The following ZNF33B variants were observed in gnomAD, a reference collection of about 807,000 sequenced individuals.
ZNF33B encodes zinc finger protein 33B.
A neutral mutation model predicts 45.8 loss-of-function variants in ZNF33B; 29 were observed. The ratio of observed to expected loss-of-function variants is 0.63; its 90% CI spans 0.47 to 0.86. ZNF33B has a LOEUF of 0.86. ZNF33B is among the 40% of genes least tolerant of loss of function. The pLI is 0.00. For missense variants in ZNF33B, 831 were observed against 909.9 expected, an observed-to-expected ratio of 0.91 and a Z score of 1.12; for synonymous variants, 305 against 307.8, an observed-to-expected ratio of 0.99 and a Z score of 0.10.
chr10:42,606,427 T>C (rs1306042055), intron 4 of ZNF33B, among the ~76,000 whole-genome samples: 1 of 152,060 alleles, frequency 6.6e-6, no homozygotes, highest in Non-Finnish European at 1.5e-5. Flanking sequence ...ATCGTGCCAC[T>C]GCACTCCAGC....
chr10:42,608,672 A>G (rs1428509204), intron 4 of ZNF33B, among the ~76,000 whole-genome samples: 1 of 152,190 alleles, frequency 6.6e-6, no homozygotes, highest in Non-Finnish European at 1.5e-5. Context: ...AGCTGTAATA[A>G]CCATATTAAA....
intron 4 of ZNF33B, among the ~76,000 whole-genome samples, chr10:42,630,858 C>T (rs1276348908): frequency 6.6e-6 from 1 of 152,184 alleles, no homozygotes; most frequent in Non-Finnish European, 1.5e-5. Flanking sequence ...CCTTTGGACT[C>T]TAGCTGCCTC....
At chr10:42,596,013 TAA>T (rs1028208968) in intron 4 of ZNF33B, among the ~76,000 whole-genome samples, 1 of 151,804 alleles carries the variant, frequency 6.6e-6, no homozygotes, top group African/African-American at 2.4e-5. Context: ...ACAATAATTT[TAA>T]AAGAGTAAGA....
chr10:42,595,887 G>A (rs1404415400), intron 4 of ZNF33B, among the ~76,000 whole-genome samples: 1 of 152,104 alleles, frequency 6.6e-6, no homozygotes. Flanking sequence ...CCAGTCTGTT[G>A]AATTTTGTTA....
chr10:42,636,662 T>G (rs1445473435), intron 2 of ZNF33B, among the ~76,000 whole-genome samples: 1 of 152,160 alleles, frequency 6.6e-6, no homozygotes, highest in African/African-American at 2.4e-5. Flanking sequence ...TCTATTAAAA[T>G]GCAAAAAATT....
chr10:42,607,183 G>C (rs1480605656), intron 4 of ZNF33B, among the ~76,000 whole-genome samples: 2 of 152,138 alleles, frequency 1.3e-5, no homozygotes, highest in African/African-American at 4.8e-5. Context: ...TTTTACTAGA[G>C]TTAAGGTAGT....
chr10:42,597,110 T>G (rs932727440), intron 4 of ZNF33B, among the ~76,000 whole-genome samples: 3 of 152,108 alleles, frequency 2.0e-5, no homozygotes, highest in Admixed American at 6.5e-5. Context: ...AGAGTTTTAA[T>G]CAGAAATGGA....
intron 1 of ZNF33B, among the ~76,000 whole-genome samples, chr10:42,581,121 G>C (rs1193224777): frequency 1.3e-5 from 2 of 152,076 alleles, no homozygotes; most frequent in Non-Finnish European, 2.9e-5. Context: ...GGCAGGCCAA[G>C]TGAAGACGTA....
At chr10:42,597,070 TAAAG>T (rs1396980817) in intron 4 of ZNF33B, among the ~76,000 whole-genome samples, 1 of 152,244 alleles carries the variant, frequency 6.6e-6, no homozygotes, top group East Asian at 1.9e-4. Context: ...TGACTTTTAT[TAAAG>T]AAAGTTATCT....
In ZNF33B at chr10:42,593,210, G is replaced by A; in HGVS notation, c.1740C>T (p.Pro580=). The part of the protein sequence containing the change: ...QHYRTHTGEK[P]YECHECGKIF... ...TTTTTCCACATTCATGACATTCATAGGGTTTCTCCCCCGTGTGTGTTCTAT... is the reference window on the plus strand; with the variant it reads ...TTTTTCCACATTCATGACATTCATAAGGTTTCTCCCCCGTGTGTGTTCTAT... Residue 580 remains proline (P), a synonymous_variant, in exon 5 of 5, where the codon CCC becomes CCT. Transcript: ENST00000359467. 1 of 1,613,612 alleles carries A rather than the reference G, an allele frequency of 6.2e-7. No individual in the cohort carries two copies. Among genetic ancestry groups the A allele is most frequent in the Non-Finnish European group, 8.5e-7 (1 of 1,179,930 alleles).
At chr10:42,637,756 G>A (rs914766511) in intron 1 of ZNF33B, among the ~76,000 whole-genome samples, 7 of 152,038 alleles carry the variant, frequency 4.6e-5, no homozygotes, top group African/African-American at 9.7e-5. Context: ...TCCGCCTCCC[G>A]GGTTCAAGCA....
chr10:42,625,210 A>G (rs1414155783), intron 4 of ZNF33B, among the ~76,000 whole-genome samples: 1 of 152,054 alleles, frequency 6.6e-6, no homozygotes, highest in Non-Finnish European at 1.5e-5. Flanking sequence ...CCAATCTATC[A>G]AGAGACCACG....
At chr10:42,608,757 G>C (rs1157473809) in intron 4 of ZNF33B, among the ~76,000 whole-genome samples, 1 of 151,764 alleles carries the variant, frequency 6.6e-6, no homozygotes, top group African/African-American at 2.4e-5. Context: ...CTCAAAGCAA[G>C]AAGAAGGCAG....
Position 42,593,491 on chromosome 10 carries a change from G to A in ZNF33B, c.1459C>T (p.His487Tyr), listed in dbSNP as rs776125179. ...SFCQKSHLTQ[H>Y]QRTHIGDKPY... Reference sequence around the variant, plus strand: ...TTATCTCCTATGTGAGTTCTCTGATGCTGTGTAAGATGTGACTTTTGACAA... The same window carrying A: ...TTATCTCCTATGTGAGTTCTCTGATACTGTGTAAGATGTGACTTTTGACAA... The change falls in exon 5 of 5, where the codon CAT becomes TAT. Residue 487 changes from histidine (H) to tyrosine (Y), a missense_variant. Physicochemically the swap from His to Tyr is moderately conservative, Grantham distance 83. Coordinates refer to ENST00000359467, the MANE Select transcript of ZNF33B (RefSeq NM_006955.3). 1.2e-6 allele frequency: 2 copies of A among 1,614,080 alleles called. No homozygotes were observed. Among genetic ancestry groups the A allele is most frequent in the Non-Finnish European group, 1.7e-6 (2 of 1,179,988 alleles).
intron 2 of ZNF33B, 94 bp downstream of exon 2, chr10:42,636,826 T>A: frequency 1.3e-6 from 2 of 1,574,052 alleles, no homozygotes; most frequent in Non-Finnish European, 1.7e-6. Context: ...AGACTCCATG[T>A]CACAAACAAA....
chr10:42,608,051 T>A (rs191296674), intron 4 of ZNF33B, among the ~76,000 whole-genome samples: 1 of 152,140 alleles, frequency 6.6e-6, no homozygotes. Flanking sequence ...GGAGTAGCTA[T>A]CCTAATATCA....
At position 42,593,314 on chromosome 10, in the gene ZNF33B, T is replaced by C. The variant is rs1388082602; in HGVS notation, c.1636A>G (p.Thr546Ala). 3 of 1,612,688 alleles carry C rather than the reference T, an allele frequency of 1.9e-6. No individual in the cohort carries two copies. In the South Asian group the frequency reaches 3.3e-5, roughly 18 times the overall value. The change falls in exon 5 of 5, where the codon ACG (threonine) becomes GCG (alanine). Residue 546 changes from threonine (T) to alanine (A), a missense_variant. Thr to Ala is a moderately conservative substitution (Grantham distance 58). Transcript: ENST00000359467. ...LKSDLTIHQRTHTGEKPFACP... is the reference protein window; with the variant it reads ...LKSDLTIHQRAHTGEKPFACP... The stretch of plus-strand genomic sequence containing the variant: ...GCAAAGGGTTTCTCCCCTGTGTGCG[T>C]TCTCTGATGTATTGTGAGGTCTGAC...
intron 1 of ZNF33B, chr10:42,581,922 C>G (rs1440976934): frequency 6.6e-6 from 1 of 152,206 alleles, no homozygotes; most frequent in Non-Finnish European, 1.5e-5. Flanking sequence ...CAAGACCAGC[C>G]TGGCCAACAT....
At chr10:42,604,245 G>T (rs1353214680) in intron 4 of ZNF33B, among the ~76,000 whole-genome samples, 3 of 151,966 alleles carry the variant, frequency 2.0e-5, no homozygotes, top group Admixed American at 2.0e-4. Flanking sequence ...AGGAGTTCAA[G>T]ACCAACCTGG....
Sources: gnomAD v4.1 joint callset for allele counts (sites outside exome capture counted in the v4.1 genomes callset) on GRCh38, gnomAD v4.1.1 for gene constraint, MANE v1.5 for transcripts, NCBI Gene and HGNC (gene_info 2026-07-23, HGNC 2026-07-21) for gene names.